Variants in ADAMTS19 observed in about 807,000 individuals in gnomAD.
ADAMTS19 encodes ADAM metallopeptidase with thrombospondin type 1 motif 19.
A neutral mutation model predicts 153.3 loss-of-function variants in ADAMTS19; 93 were observed. The ratio of observed to expected loss-of-function variants is 0.61; its 90% CI spans 0.51 to 0.72. ADAMTS19 has a LOEUF of 0.72. Ranked by LOEUF, ADAMTS19 falls within the 30% of genes least tolerant of loss-of-function variation. The probability of loss-of-function intolerance (pLI) is 0.00; values close to 1 mark genes in which losing one functional copy is unlikely to be tolerated. For synonymous variants in ADAMTS19, 600 were observed against 556.6 expected, an observed-to-expected ratio of 1.08 and a Z score of -1.10; for missense variants, 1,482 against 1,552.1, an observed-to-expected ratio of 0.95 and a Z score of 0.76.
intron 10 of ADAMTS19, among the ~76,000 whole-genome samples, chr5:129,624,126 CAAA>C (rs765901844): frequency 0.043 from 1,136 of 26,510 alleles, 2 homozygotes; most frequent in African/African-American, 0.14. Context: ...GGCTCAGTCT[CAAA>C]AAAAAAAAAA....
At chr5:129,663,480 T>G (rs1032496219) in intron 15 of ADAMTS19, among the ~76,000 whole-genome samples, 1 of 152,228 alleles carries the variant, frequency 6.6e-6, no homozygotes, top group African/African-American at 2.4e-5. Flanking sequence ...CAAAACTAGA[T>G]GATTTCTCTC....
intron 21 of ADAMTS19, among the ~76,000 whole-genome samples, chr5:129,713,862 G>C (rs1388460185): frequency 6.6e-6 from 1 of 151,810 alleles, no homozygotes; most frequent in African/African-American, 2.4e-5. Context: ...TGACTGGATG[G>C]CACTCCAGCA....
chr5:129,705,260 AG>A (rs1756090152), intron 21 of ADAMTS19, among the ~76,000 whole-genome samples: 1 of 152,168 alleles, frequency 6.6e-6, no homozygotes. Flanking sequence ...TGTATAAAAG[AG>A]AAAAGAAAGT....
intron 8 of ADAMTS19, among the ~76,000 whole-genome samples, chr5:129,608,119 T>TATATATATATATATATATAA (rs1278196935): frequency 8.0e-6 from 1 of 125,420 alleles, no homozygotes; most frequent in East Asian, 2.4e-4. Context: ...TGTGTGTGTA[T>TATATATATATATATATATAA]ATATATATAT....
chr5:129,737,069 G>A lies in ADAMTS19; in HGVS notation c.3493G>A (p.Ala1165Thr). The change falls in exon 23 of 23, where the codon GCT becomes ACT. Residue 1165 changes from alanine (A) to threonine (T), a missense_variant and splice_region_variant. Around this residue, in one of 2 missense-constraint regions of ADAMTS19, gnomAD observed 616 missense variants for 724.4 expected, o/e 0.85. Transcript: ENST00000274487. Reference sequence around the variant, plus strand: ...ATTCACTATGTTCTGTTTCACAGCTGCTCTGACTTTCAAGTGCCTGGGAGA... The same window carrying A: ...ATTCACTATGTTCTGTTTCACAGCTACTCTGACTTTCAAGTGCCTGGGAGA... ...VNTITSPRLAALTFKCLGDQW... is the reference protein window; with the variant it reads ...VNTITSPRLATLTFKCLGDQW... The A allele has an allele frequency of 6.3e-7, 1 of 1,586,228 alleles. No homozygotes were observed. Among genetic ancestry groups the A allele is most frequent in the Non-Finnish European group, 8.6e-7 (1 of 1,162,356 alleles).
intron 21 of ADAMTS19, among the ~76,000 whole-genome samples, chr5:129,706,143 G>C (rs1756141136): frequency 1.3e-5 from 2 of 152,124 alleles, no homozygotes; most frequent in African/African-American, 4.8e-5. Context: ...TTCCATTGTA[G>C]GAACTCATTT....
chr5:129,527,977 G>A (rs999501432), intron 5 of ADAMTS19, 146 bp downstream of exon 5: 1 of 479,704 alleles, frequency 2.1e-6, no homozygotes. Flanking sequence ...CTGGCCTTTA[G>A]TTTTGGTTAA....
chr5:129,645,165 C>A (rs1753004059), intron 11 of ADAMTS19, among the ~76,000 whole-genome samples: 1 of 152,122 alleles, frequency 6.6e-6, no homozygotes, highest in Non-Finnish European at 1.5e-5. Flanking sequence ...ATTACATAAT[C>A]CCTTAGTACT....
chr5:129,692,244 T>G (rs1442037958), intron 18 of ADAMTS19, among the ~76,000 whole-genome samples: 6 of 152,084 alleles, frequency 3.9e-5, no homozygotes, highest in African/African-American at 7.2e-5. Flanking sequence ...AAAGAGCCCC[T>G]GAAGCATAGG....
intron 13 of ADAMTS19, among the ~76,000 whole-genome samples, chr5:129,653,550 T>C (rs1253850591): frequency 6.6e-6 from 1 of 152,166 alleles, no homozygotes; most frequent in Non-Finnish European, 1.5e-5. Context: ...TCAACCTAGA[T>C]ATCGTACACA....
At chr5:129,729,799 T>C (rs1269795446) in intron 21 of ADAMTS19, among the ~76,000 whole-genome samples, 1 of 152,082 alleles carries the variant, frequency 6.6e-6, no homozygotes, top group East Asian at 1.9e-4. Flanking sequence ...TTTTCAATAA[T>C]ACTGAAAAAT....
intron 3 of ADAMTS19, among the ~76,000 whole-genome samples, chr5:129,512,440 T>C (rs1751472943): frequency 6.6e-6 from 1 of 152,102 alleles, no homozygotes; most frequent in African/African-American, 2.4e-5. Context: ...GGATACAACA[T>C]GGTCTAAAGA....
Position 129,603,548 on chromosome 5 carries a change from C to A in ADAMTS19, c.1478+6884C>A, listed in dbSNP as rs145406089. ...CCAACCAAAAGTAAACTAACCCTTG[C>A]ATTATTGTGTATGGTTTTAGGAAAA... On this transcript the variant is annotated intron_variant, in intron 8 of 22. Transcript: ENST00000274487. 4.6e-5 allele frequency among the ~76,000 whole-genome samples: 7 copies of A among 152,176 alleles called. No individual in the cohort carries two copies. In the East Asian group the frequency reaches 1.4e-3, roughly 29 times the overall value.
At chr5:129,487,753 A>G (rs1487807984) in intron 2 of ADAMTS19, among the ~76,000 whole-genome samples, 1 of 152,064 alleles carries the variant, frequency 6.6e-6, no homozygotes, top group African/African-American at 2.4e-5. Context: ...GCTTTTTTCT[A>G]TACATAATTA....
chr5:129,652,493 CT>C (rs1753361327), intron 13 of ADAMTS19, among the ~76,000 whole-genome samples: 1 of 152,124 alleles, frequency 6.6e-6, no homozygotes, highest in African/African-American at 2.4e-5. Flanking sequence ...AAATCCATGT[CT>C]ATTGCATATC....
intron 6 of ADAMTS19, among the ~76,000 whole-genome samples, chr5:129,547,430 T>A (rs568358038): frequency 2.0e-5 from 3 of 150,778 alleles, no homozygotes; most frequent in South Asian, 4.1e-4. Flanking sequence ...GTCACCATAT[T>A]TATGGAATTT....
intron 8 of ADAMTS19, among the ~76,000 whole-genome samples, chr5:129,604,477 T>C (rs1013637911): frequency 6.6e-6 from 1 of 152,212 alleles, no homozygotes; most frequent in East Asian, 1.9e-4. Flanking sequence ...CTGTTAGATA[T>C]ATGCTTCATT....
At chr5:129,554,647 C>T (rs1209595790) in intron 7 of ADAMTS19, among the ~76,000 whole-genome samples, 1 of 152,028 alleles carries the variant, frequency 6.6e-6, no homozygotes, top group Non-Finnish European at 1.5e-5. Flanking sequence ...GTTGAATCCT[C>T]CAACCCTGGA....
rs534856877 is a variant in ADAMTS19 at position 129,516,348 on chromosome 5, T to C, written c.913+7106T>C. 9.9e-5 allele frequency among the ~76,000 whole-genome samples: 15 copies of C among 151,502 alleles called. No individual in the cohort carries two copies. The South Asian group carries it at 2.9e-3, about 30-fold the overall frequency. ...TGGAAGTATTCCCTCCTCTTATATA[T>C]TTTTTGGAATAGTTTGACTAGGATG... On this transcript the variant is annotated intron_variant, in intron 3 of 22. Transcript: ENST00000274487.
Sources: gnomAD v4.1 joint callset for allele counts (sites outside exome capture counted in the v4.1 genomes callset) on GRCh38, gnomAD v4.1.1 for gene constraint, gnomAD v4.1.1 regional missense constraint, MANE v1.5 for transcripts, NCBI Gene and HGNC (gene_info 2026-07-23, HGNC 2026-07-21) for gene names.